SIPA1L2: variants seen among roughly 807,000 people sequenced by gnomAD.
The protein encoded by SIPA1L2 is signal-induced proliferation-associated 1-like protein 2.
In SIPA1L2, 56 loss-of-function variants were observed where a neutral mutation model predicts 163.9. The observed-to-expected ratio is 0.34, with a 90% CI of 0.28 to 0.43. The LOEUF (loss-of-function observed/expected upper bound fraction) is 0.43. Ranked by LOEUF, SIPA1L2 falls within the 20% of genes least tolerant of loss-of-function variation. SIPA1L2 has a pLI of 1.00. For missense variants in SIPA1L2, 1,974 were observed against 2,193.5 expected (o/e 0.90, Z 2.00); for synonymous variants, 877 against 865.7 (o/e 1.01, Z -0.23).
At chr1:232,521,511 G>C (rs998208033) in intron 2 of SIPA1L2, among the ~76,000 whole-genome samples, 1 of 152,212 alleles carries the variant, frequency 6.6e-6, no homozygotes, top group African/African-American at 2.4e-5. Context: ...GGGTGACTCT[G>C]TAAGTAAAGC....
chr1:232,579,090 A>G (rs1324450521), intron 1 of SIPA1L2, among the ~76,000 whole-genome samples: 1 of 152,168 alleles, frequency 6.6e-6, no homozygotes, highest in African/African-American at 2.4e-5. Flanking sequence ...TCTGTGTGAA[A>G]ACCAGATTTG....
At chr1:232,567,972 A>G (rs547041088) in intron 2 of SIPA1L2, among the ~76,000 whole-genome samples, 143 of 152,372 alleles carry the variant, frequency 9.4e-4, no homozygotes, top group African/African-American at 3.3e-3. Context: ...AGAAGCTTCC[A>G]GACAGCTGAA....
intron 15 of SIPA1L2, among the ~76,000 whole-genome samples, chr1:232,437,266 A>C (rs1226261796): frequency 6.6e-6 from 1 of 152,202 alleles, no homozygotes; most frequent in African/African-American, 2.4e-5. Flanking sequence ...CTCTTTTACA[A>C]ATCATCTCAA....
intron 1 of SIPA1L2, among the ~76,000 whole-genome samples, chr1:232,605,498 A>C (rs1052224753): frequency 6.6e-6 from 1 of 152,174 alleles, no homozygotes; most frequent in African/African-American, 2.4e-5. Context: ...AATTCAACAC[A>C]AGCCTGGCCA....
chr1:232,426,035 ATAT>A (rs1661879313), intron 17 of SIPA1L2, among the ~76,000 whole-genome samples: 1 of 152,212 alleles, frequency 6.6e-6, no homozygotes, highest in African/African-American at 2.4e-5. Flanking sequence ...ATTCTATGAA[ATAT>A]TATCATGAAT....
chr1:232,452,823 C>A (rs1205142124), intron 10 of SIPA1L2, among the ~76,000 whole-genome samples: 1 of 152,208 alleles, frequency 6.6e-6, no homozygotes, highest in Non-Finnish European at 1.5e-5. Context: ...ATGTGACAAC[C>A]TCTTAGACCC....
At chr1:232,536,732 G>C (rs1428486761) in intron 2 of SIPA1L2, among the ~76,000 whole-genome samples, 1 of 152,074 alleles carries the variant, frequency 6.6e-6, no homozygotes, top group African/African-American at 2.4e-5. Context: ...TATTGCTATG[G>C]ATGATTTCAC....
At chr1:232,580,979 T>C (rs1186681960) in intron 1 of SIPA1L2, among the ~76,000 whole-genome samples, 2 of 152,268 alleles carry the variant, frequency 1.3e-5, no homozygotes, top group Non-Finnish European at 2.9e-5. Context: ...AACTGCCACA[T>C]GAATGGCCCA....
intron 1 of SIPA1L2, among the ~76,000 whole-genome samples, chr1:232,610,618 C>A (rs1662188350): frequency 6.6e-6 from 1 of 152,192 alleles, no homozygotes; most frequent in Non-Finnish European, 1.5e-5. Context: ...GGCAAACAAG[C>A]AACCCCCTCC....
chr1:232,608,059 A>AAAAAAAAC (rs1558301959), intron 1 of SIPA1L2, among the ~76,000 whole-genome samples: 4 of 150,668 alleles, frequency 2.7e-5, no homozygotes, highest in African/African-American at 9.8e-5. Flanking sequence ...AAAAAAAAAA[A>AAAAAAAAC]AAAAAAAAAA....
rs1196041533 is a variant in SIPA1L2, at chr1:232,628,347, T to C, written c.-319+1522A>G. On this transcript the variant is annotated intron_variant, in intron 1 of 22. Transcript: ENST00000674635. ...AATCTTTTAGGAAGAATCAATGTGA[T>C]TTATACCCAAAACTTAAGAAAGACT... Among the ~76,000 whole-genome samples the C allele has an allele frequency of 2.0e-5, 3 of 152,356 alleles. No homozygotes were observed. In the East Asian group the frequency reaches 5.8e-4, roughly 29 times the overall value.
rs187986403 is a variant in SIPA1L2 at position 232,416,618 on chromosome 1, C to T, written c.4631-993G>A. On this transcript the variant is annotated intron_variant, in intron 18 of 22. Transcript: ENST00000674635. ...TACTGAGGAACACTTCTAAGCTGAG[C>T]ACCACAAACTTGAGATGCCTCAAAT... Among the ~76,000 whole-genome samples, 67 of 152,306 alleles carry T rather than the reference C, an allele frequency of 4.4e-4. 2 individuals carry two copies. The East Asian group carries it at 0.012, about 28-fold the overall frequency.
Position 232,513,872 on chromosome 1 carries a change from A to C in SIPA1L2, c.1468T>G (p.Phe490Val). The change falls in exon 3 of 23, where the codon TTC becomes GTC. Residue 490 changes from phenylalanine (F) to valine (V), a missense_variant. Phe to Val is a conservative substitution (Grantham distance 50, BLOSUM62 -1). Transcript: ENST00000674635. Reference sequence around the variant, plus strand: ...TCTTCCTTACCTTTCCCATAGAAGAATTTGCGGTAATAATAGGCCCCAAGG... The same window carrying C: ...TCTTCCTTACCTTTCCCATAGAAGACTTTGCGGTAATAATAGGCCCCAAGG... ...IDLGAYYYRK[F>V]FYGKEHQNYF... The C allele has an allele frequency of 6.4e-7, 1 of 1,573,474 alleles. No individual in the cohort carries two copies. The highest frequency in any genetic ancestry group is 8.6e-7 in the Non-Finnish European group (1 of 1,163,464).
chr1:232,457,419 C>T (rs1191671619), intron 10 of SIPA1L2, among the ~76,000 whole-genome samples: 1 of 152,152 alleles, frequency 6.6e-6, no homozygotes, highest in African/African-American at 2.4e-5. Context: ...TTTTTGTAGT[C>T]TTCATAGTGT....
At chr1:232,612,763 T>C (rs1662312283) in intron 1 of SIPA1L2, among the ~76,000 whole-genome samples, 1 of 152,210 alleles carries the variant, frequency 6.6e-6, no homozygotes, top group African/African-American at 2.4e-5. Flanking sequence ...TGTTAACTTT[T>C]GGGTTACTGC....
intron 12 of SIPA1L2, among the ~76,000 whole-genome samples, chr1:232,442,526 C>T (rs1311998674): frequency 5.1e-5 from 7 of 137,716 alleles, no homozygotes; most frequent in Non-Finnish European, 7.6e-5. Flanking sequence ...CCAGCCTGGG[C>T]GACAGACCGA....
chr1:232,444,992 A>G (rs966180489), intron 11 of SIPA1L2, among the ~76,000 whole-genome samples: 1 of 152,266 alleles, frequency 6.6e-6, no homozygotes, highest in African/African-American at 2.4e-5. Context: ...AACCCTCACC[A>G]GCTTCCAATG....
At chr1:232,443,965 C>T (rs1663057410) in intron 11 of SIPA1L2, among the ~76,000 whole-genome samples, 1 of 152,254 alleles carries the variant, frequency 6.6e-6, no homozygotes, top group Middle Eastern at 3.4e-3. Context: ...TAATGACTCC[C>T]TCCCAGAGAA....
chr1:232,542,210 C>A (rs999369705), intron 2 of SIPA1L2, among the ~76,000 whole-genome samples: 2 of 152,152 alleles, frequency 1.3e-5, no homozygotes, highest in East Asian at 3.9e-4. Flanking sequence ...GAAAAATGAT[C>A]ATTTTAAATA....
Sources: gnomAD v4.1 joint callset for allele counts (sites outside exome capture counted in the v4.1 genomes callset) on GRCh38, gnomAD v4.1.1 for gene constraint, MANE v1.5 for transcripts, NCBI Gene and HGNC (gene_info 2026-07-23, HGNC 2026-07-21) for gene names.